HERC1: variants seen among roughly 807,000 people sequenced by gnomAD.
The protein encoded by HERC1 is probable E3 ubiquitin-protein ligase HERC1.
A neutral mutation model predicts 554.3 loss-of-function variants in HERC1; 160 were observed. That is an observed-to-expected ratio of 0.29 (90% CI 0.25 to 0.33). The LOEUF is 0.33. Ranked by LOEUF, HERC1 falls within the 10% of genes least tolerant of loss-of-function variation. The pLI is 1.00. For missense variants in HERC1, 4,919 were observed against 5,918.5 expected, an observed-to-expected ratio of 0.83 and a Z score of 5.54; for synonymous variants, 2,175 against 2,131.7, an observed-to-expected ratio of 1.02 and a Z score of -0.56.
At chr15:63,829,681 A>AT (rs1193291574) in intron 1 of HERC1, among the ~76,000 whole-genome samples, 1 of 149,820 alleles carries the variant, frequency 6.7e-6, no homozygotes, top group African/African-American at 2.5e-5. Flanking sequence ...ACAGATTTTG[A>AT]TTTTAAATAC....
intron 2 of HERC1, 121 bp downstream of exon 2, chr15:63,774,573 A>G (rs2076062438): frequency 1.4e-6 from 1 of 736,740 alleles, no homozygotes; most frequent in African/African-American, 1.8e-5. Context: ...TGAAATATTT[A>G]ATTAACTCAA....
At chr15:63,665,708 C>T (rs377383316) in intron 42 of HERC1, among the ~76,000 whole-genome samples, 11 of 152,308 alleles carry the variant, frequency 7.2e-5, no homozygotes, top group East Asian at 3.9e-4. Flanking sequence ...GAAATTTCTT[C>T]TGGCATGAAA....
chr15:63,762,118 C>T (rs1259059061), intron 3 of HERC1, among the ~76,000 whole-genome samples: 1 of 152,072 alleles, frequency 6.6e-6, no homozygotes, highest in Admixed American at 6.5e-5. Flanking sequence ...TTGGGGGCAA[C>T]AAATGTGTAA....
chr15:63,810,724 A>G (rs1400380282), intron 1 of HERC1, among the ~76,000 whole-genome samples: 1 of 152,172 alleles, frequency 6.6e-6, no homozygotes, highest in East Asian at 1.9e-4. Context: ...CGTGATCTCA[A>G]AATACCACCA....
intron 1 of HERC1, among the ~76,000 whole-genome samples, chr15:63,833,185 A>T (rs1233778584): frequency 6.6e-6 from 1 of 152,114 alleles, no homozygotes; most frequent in Non-Finnish European, 1.5e-5. Context: ...AAGACTAAAC[A>T]ATGCGCCCCG....
In HERC1 at chr15:63,689,692, TCAA is replaced by T; in HGVS notation, c.5942_5944del (p.Val1981del). Reference sequence around the variant, plus strand: ...ATCAGAGAGAAGGGAAAATAAGCGCTCAACAATCTGTTTTATTGAAGAAAAAAG... The same window carrying T: ...ATCAGAGAGAAGGGAAAATAAGCGCTCAATCTGTTTTATTGAAGAAAAAAG... On this transcript the variant is annotated inframe_deletion, in exon 33 of 78. Transcript: ENST00000443617. 3 of 1,556,432 alleles carry T rather than the reference TCAA, an allele frequency of 1.9e-6. No homozygotes were observed. The highest frequency in any genetic ancestry group is 2.6e-6 in the Non-Finnish European group (3 of 1,147,224).
chr15:63,764,219 C>G, intron 2 of HERC1, 28 bp from the exon 3 acceptor site: 2 of 1,482,792 alleles, frequency 1.3e-6, no homozygotes, highest in Non-Finnish European at 1.9e-6. Context: ...CGGGACACAG[C>G]GTAGGAAGGG....
At chr15:63,715,127 C>G (rs1482092549) in intron 22 of HERC1, among the ~76,000 whole-genome samples, 1 of 152,030 alleles carries the variant, frequency 6.6e-6, no homozygotes, top group Non-Finnish European at 1.5e-5. Context: ...TAACTGTAGC[C>G]TAAGTCATAC....
intron 1 of HERC1, among the ~76,000 whole-genome samples, chr15:63,820,096 CAAGA>C (rs1423858618): frequency 6.6e-6 from 1 of 152,116 alleles, no homozygotes; most frequent in African/African-American, 2.4e-5. Context: ...ATGTAGCACA[CAAGA>C]AATACATACA....
chr15:63,706,853 T>C (rs924947690), intron 24 of HERC1, 22 bp from the exon 25 acceptor site: 6 of 1,463,226 alleles, frequency 4.1e-6, no homozygotes, highest in African/African-American at 1.4e-5. Context: ...AAAAAGTAAA[T>C]AAATAAAATT....
At chr15:63,762,620 C>T (rs2075648828) in intron 3 of HERC1, among the ~76,000 whole-genome samples, 1 of 152,092 alleles carries the variant, frequency 6.6e-6, no homozygotes, top group Non-Finnish European at 1.5e-5. Flanking sequence ...CCACTGCACC[C>T]AGCCCATGAT....
chr15:63,800,665 T>C (rs1162280514), intron 1 of HERC1, among the ~76,000 whole-genome samples: 2 of 152,224 alleles, frequency 1.3e-5, no homozygotes, highest in Non-Finnish European at 2.9e-5. Context: ...GCACCTTGCA[T>C]GGTTTGCAAT....
At chr15:63,805,360 T>A (rs548993605) in intron 1 of HERC1, among the ~76,000 whole-genome samples, 7 of 152,306 alleles carry the variant, frequency 4.6e-5, no homozygotes, top group Admixed American at 3.9e-4. Context: ...CTCAAAAGCA[T>A]TATGCTAAGC....
chr15:63,776,279 C>T (rs934903646), intron 1 of HERC1, among the ~76,000 whole-genome samples: 3 of 152,096 alleles, frequency 2.0e-5, no homozygotes, highest in Non-Finnish European at 4.4e-5. Flanking sequence ...ATTAACATAT[C>T]CAAAACTGAG....
intron 1 of HERC1, among the ~76,000 whole-genome samples, chr15:63,823,203 G>A (rs1469394445): frequency 1.3e-5 from 2 of 152,000 alleles, no homozygotes; most frequent in South Asian, 2.1e-4. Flanking sequence ...CCCTCTGTGT[G>A]TCCATGTTTT....
chr15:63,773,814 G>A (rs1347892765), intron 2 of HERC1, among the ~76,000 whole-genome samples: 1 of 151,892 alleles, frequency 6.6e-6, no homozygotes, highest in Non-Finnish European at 1.5e-5. Context: ...AAAAGTGCTG[G>A]GATTACAGGC....
At chr15:63,726,511 A>T (rs1233669012) in intron 17 of HERC1, among the ~76,000 whole-genome samples, 1 of 152,214 alleles carries the variant, frequency 6.6e-6, no homozygotes. Context: ...AATAAACAGG[A>T]TATAACCATA....
At chr15:63,769,617 A>C (rs1449157961) in intron 2 of HERC1, among the ~76,000 whole-genome samples, 2 of 151,526 alleles carry the variant, frequency 1.3e-5, no homozygotes, top group Non-Finnish European at 2.9e-5. Flanking sequence ...ACTTTCGGAG[A>C]CTAAGGCAGG....
At chr15:63,726,735 T>C (rs747631903) in intron 17 of HERC1, among the ~76,000 whole-genome samples, 4 of 152,196 alleles carry the variant, frequency 2.6e-5, no homozygotes, top group Non-Finnish European at 4.4e-5. Flanking sequence ...GTTTCACAGA[T>C]AAATTCTTCT....
Sources: gnomAD v4.1 joint callset for allele counts (sites outside exome capture counted in the v4.1 genomes callset) on GRCh38, gnomAD v4.1.1 for gene constraint, MANE v1.5 for transcripts, NCBI Gene and HGNC (gene_info 2026-07-23, HGNC 2026-07-21) for gene names.